Variants in SYT9 observed in about 807,000 individuals in gnomAD.
SYT9 encodes synaptotagmin-9.
Under a neutral mutation model 48.4 loss-of-function variants are expected in SYT9, and 22 were observed. The ratio of observed to expected loss-of-function variants is 0.45; its 90% confidence interval spans 0.32 to 0.65. SYT9 has a LOEUF of 0.65. SYT9 is among the 30% of genes least tolerant of loss of function. The probability of loss-of-function intolerance (pLI) is 0.03; values close to 1 mark genes in which losing one functional copy is unlikely to be tolerated. For missense variants in SYT9, 577 were observed against 622.0 expected (o/e 0.93, Z 0.77); for synonymous variants, 265 against 245.0 (o/e 1.08, Z -0.76).
At chr11:7,290,873 T>C (rs1484145259) in intron 1 of SYT9, among the ~76,000 whole-genome samples, 3 of 152,178 alleles carry the variant, frequency 2.0e-5, no homozygotes, top group African/African-American at 7.2e-5. Flanking sequence ...CGGGTGATAG[T>C]CAAACTAGGT....
chr11:7,343,434 G>A (rs1564869829), intron 3 of SYT9, among the ~76,000 whole-genome samples: 2 of 152,118 alleles, frequency 1.3e-5, no homozygotes, highest in Non-Finnish European at 2.9e-5. Flanking sequence ...TCTCTAAAAT[G>A]GGGGAAAATG....
chr11:7,279,171 G>T (rs1848449112), intron 1 of SYT9, among the ~76,000 whole-genome samples: 1 of 152,104 alleles, frequency 6.6e-6, no homozygotes. Flanking sequence ...TGAGCTTGGT[G>T]TCCATCTCTG....
chr11:7,423,354 G>A (rs866294984), intron 6 of SYT9, among the ~76,000 whole-genome samples: 1 of 151,920 alleles, frequency 6.6e-6, no homozygotes, highest in African/African-American at 2.4e-5. Flanking sequence ...GCCATGCTTC[G>A]TTAGCAGCTG....
rs779860275 is a variant in SYT9, at chr11:7,313,798, C to T, written c.901C>T (p.Arg301Trp). 11 of 1,614,058 alleles carry T rather than the reference C, an allele frequency of 6.8e-6. No homozygotes were observed. The highest frequency in any genetic ancestry group is 3.3e-5 in the Admixed American group (2 of 60,000). The change falls in exon 3 of 7, where the codon CGG becomes TGG. Residue 301 changes from arginine (R) to tryptophan (W), a missense_variant. Coordinates refer to ENST00000318881, the MANE Select transcript of SYT9 (RefSeq NM_175733.4). ...GGTTCCCTACAATGACCTTGAAGCA[C>T]GGAAGCTTCACTTCTCTGTGTACGA... ...FPVPYNDLEA[R>W]KLHFSVYDFD... is the part of the protein sequence containing the mutation.
chr11:7,310,689 G>A (rs1216738237), intron 2 of SYT9, among the ~76,000 whole-genome samples: 7 of 151,532 alleles, frequency 4.6e-5, no homozygotes, highest in Non-Finnish European at 5.9e-5. Flanking sequence ...CTCGTGATCC[G>A]CCCACCTTGG....
At chr11:7,464,583 T>C (rs1268470444) in intron 6 of SYT9, among the ~76,000 whole-genome samples, 2 of 152,124 alleles carry the variant, frequency 1.3e-5, no homozygotes, top group African/African-American at 2.4e-5. Context: ...TGGCATACAA[T>C]AAGTACCCAA....
intron 3 of SYT9, among the ~76,000 whole-genome samples, chr11:7,343,952 T>C (rs970300237): frequency 2.6e-5 from 4 of 152,124 alleles, no homozygotes; most frequent in South Asian, 2.1e-4. Flanking sequence ...ATGAGACTTA[T>C]TCACTACCAC....
intron 2 of SYT9, among the ~76,000 whole-genome samples, chr11:7,309,261 C>T (rs1218723886): frequency 6.6e-6 from 1 of 152,172 alleles, no homozygotes; most frequent in East Asian, 1.9e-4. Context: ...GCCAGCTTCT[C>T]TACGACAGCA....
intron 3 of SYT9, among the ~76,000 whole-genome samples, chr11:7,351,033 A>T (rs1189575214): frequency 1.3e-5 from 2 of 152,166 alleles, no homozygotes; most frequent in Admixed American, 6.5e-5. Flanking sequence ...ATTTTGTCTT[A>T]AAAAAAGTCA....
intron 1 of SYT9, among the ~76,000 whole-genome samples, chr11:7,262,943 T>G (rs1848106806): frequency 6.6e-6 from 1 of 152,118 alleles, no homozygotes; most frequent in African/African-American, 2.4e-5. Flanking sequence ...ATTCGTAAGT[T>G]AGGAGACTTA....
chr11:7,429,095 C>T (rs992245908), intron 6 of SYT9, among the ~76,000 whole-genome samples: 9 of 152,186 alleles, frequency 5.9e-5, no homozygotes, highest in African/African-American at 1.9e-4. Context: ...GGCACCCATA[C>T]ACCGACAGAG....
Position 7,366,412 on chromosome 11 carries a change from A to C in SYT9, c.1045-49630A>C, listed in dbSNP as rs1222745808. ...TTTTCGATAAACCTGAGGTCACTCT[A>C]TGCATACTTCTTTGTAATCTGATGT... On this transcript the variant is annotated intron_variant, in intron 3 of 6. Transcript: ENST00000318881. 1.3e-5 allele frequency among the ~76,000 whole-genome samples: 2 copies of C among 152,206 alleles called. 1 individual carries two copies. Among genetic ancestry groups the C allele is most frequent in the South Asian group, 4.1e-4 (2 of 4,828 alleles).
intron 6 of SYT9, chr11:7,454,246 A>C (rs1848109162): frequency 1.0e-6 from 1 of 985,128 alleles, no homozygotes; most frequent in Admixed American, 6.2e-5. Context: ...CCCTTAGTTG[A>C]TGTCTTCCTC....
At chr11:7,303,498 G>A (rs1848975552) in intron 2 of SYT9, 108 bp downstream of exon 2, 4 of 1,000,640 alleles carry the variant, frequency 4.0e-6, no homozygotes, top group African/African-American at 3.3e-5. Flanking sequence ...TTAGATTTCT[G>A]TTCTGTATCA....
intron 1 of SYT9, among the ~76,000 whole-genome samples, chr11:7,256,845 T>A (rs1010239386): frequency 6.6e-6 from 1 of 152,216 alleles, no homozygotes; most frequent in Non-Finnish European, 1.5e-5. Context: ...GGTCAGAGTA[T>A]GAAGCAGAGC....
chr11:7,441,593 C>T (rs1175162730), intron 6 of SYT9: 2 of 152,180 alleles, frequency 1.3e-5, no homozygotes, highest in Non-Finnish European at 2.9e-5. Context: ...ACCAGTTCTT[C>T]CCAGGCTATT....
chr11:7,446,560 C>T (rs1847933706), intron 6 of SYT9, among the ~76,000 whole-genome samples: 1 of 152,172 alleles, frequency 6.6e-6, no homozygotes, highest in South Asian at 2.1e-4. Context: ...CAAACATTAG[C>T]ATGTGGTATA....
In SYT9 at chr11:7,262,221, C is replaced by A. The variant is rs149186981; in HGVS notation, c.145+9890C>A. On this transcript the variant is annotated intron_variant, in intron 1 of 6. Transcript: ENST00000318881. ...AGAGGAGTCAAGACTAAGACTGTGGCCTGAGCAGCTAGGAGAATAGAGTTG... is the reference window on the plus strand; with the variant it reads ...AGAGGAGTCAAGACTAAGACTGTGGACTGAGCAGCTAGGAGAATAGAGTTG... 3.8e-3 allele frequency among the ~76,000 whole-genome samples: 573 copies of A among 152,126 alleles called. 1 individual carries two copies. The highest frequency in any genetic ancestry group is 6.3e-3 in the Non-Finnish European group (429 of 67,982).
intron 3 of SYT9, among the ~76,000 whole-genome samples, chr11:7,343,961 A>G (rs1434893313): frequency 6.6e-6 from 1 of 152,152 alleles, no homozygotes; most frequent in East Asian, 1.9e-4. Flanking sequence ...ATTCACTACC[A>G]CAAGAACAGT....
Sources: allele counts gnomAD v4.1 joint callset (sites outside exome capture counted in the v4.1 genomes callset), GRCh38; gene constraint gnomAD v4.1.1; transcripts MANE v1.5; gene names NCBI Gene and HGNC (gene_info 2026-07-23, HGNC 2026-07-21).